CHD5: variants seen among roughly 807,000 people sequenced by gnomAD.
The protein encoded by CHD5 is chromodomain helicase DNA binding protein 5.
Under a neutral mutation model 230.3 loss-of-function variants are expected in CHD5, and 69 were observed. That is an observed-to-expected ratio of 0.30 (90% CI 0.25 to 0.37). CHD5 has a LOEUF of 0.37. Ranked by LOEUF, CHD5 falls within the 10% of genes least tolerant of loss-of-function variation. The probability of loss-of-function intolerance (pLI) is 1.00; values close to 1 mark genes in which losing one functional copy is unlikely to be tolerated. For synonymous variants in CHD5, 1,064 were observed against 1,065.9 expected (o/e 1.00, Z 0.03); for missense variants, 1,827 against 2,622.8 (o/e 0.70, Z 6.63).
At chr1:6,111,905 G>A in intron 35 of CHD5, 22 bp from the exon 36 acceptor site, 1 of 1,606,584 alleles carries the variant, frequency 6.2e-7, no homozygotes, top group South Asian at 1.1e-5. Context: ...GCCAAGGTGA[G>A]CAGGGTGAGA....
Position 6,131,584 on chromosome 1 carries a change from G to A in CHD5, c.3262+47C>T, listed in dbSNP as rs1029676478. 1.6e-5 allele frequency: 19 copies of A among 1,169,558 alleles called. No homozygotes were observed. Among genetic ancestry groups the A allele is most frequent in the African/African-American group, 9.1e-5 (6 of 66,272 alleles). The allele number at this position is 1,169,558 out of a possible 1,614,324, so 72.4% of individuals were successfully genotyped here. ...GCTAAGAACCAGGCCTGGGAGAAGA[G>A]GCCAAAAAGGAGTCTCAATCAGAAC... On this transcript the variant is annotated intron_variant, in intron 21 of 41. Transcript: ENST00000262450. The surrounding 1 kb of genome is among the most constrained non-coding windows in gnomAD (Gnocchi z 5.0).
At chr1:6,149,514 T>C (rs1557554204) in intron 7 of CHD5, 102 bp from the exon 8 acceptor site, 1 of 1,194,142 alleles carries the variant, frequency 8.4e-7, no homozygotes, top group Non-Finnish European at 1.1e-6. Flanking sequence ...AGATGTCTAA[T>C]AGAGGGTGGA....
At position 6,129,546 on chromosome 1, in the gene CHD5, G is replaced by A. The variant is rs1666619258; in HGVS notation, c.3388-477C>T. Among the ~76,000 whole-genome samples the A allele has an allele frequency of 6.6e-6, 1 of 152,192 alleles. No homozygotes were observed. Among genetic ancestry groups the A allele is most frequent in the South Asian group, 2.1e-4 (1 of 4,832 alleles). On this transcript the variant is annotated intron_variant, in intron 22 of 41. Transcript: ENST00000262450. This position sits in a 1 kb window ranked among gnomAD's most constrained non-coding sequence, Gnocchi z 6.8. Reference sequence around the variant, plus strand: ...AATACAAGGAAGTGCCTGAGACTCTGTGCAGCCCTACATGAGGTGACCTGG... The same window carrying A: ...AATACAAGGAAGTGCCTGAGACTCTATGCAGCCCTACATGAGGTGACCTGG...
rs369869880 is a variant in CHD5, at chr1:6,174,037, G to A, written c.80-5760C>T. Among the ~76,000 whole-genome samples the A allele has an allele frequency of 2.0e-5, 3 of 152,116 alleles. No homozygotes were observed. The East Asian group carries it at 5.8e-4, about 29-fold the overall frequency. On this transcript the variant is annotated intron_variant, in intron 1 of 41. Coordinates refer to ENST00000262450, the MANE Select transcript of CHD5 (RefSeq NM_015557.3). ...TTTACCCCAAGTGACTGGGGCCTGG[G>A]GGGAGTCACCCTGGGGGTGCAGGGA...
At chr1:6,108,967 G>A (rs1053199466) in intron 38 of CHD5, among the ~76,000 whole-genome samples, 1 of 151,910 alleles carries the variant, frequency 6.6e-6, no homozygotes, top group African/African-American at 2.4e-5. Flanking sequence ...CCGAGAGCTG[G>A]GGCTTATTTG....
rs552625177 is a variant in CHD5, at chr1:6,123,318, G to A, written c.4699+630C>T. 1.6e-4 allele frequency among the ~76,000 whole-genome samples: 24 copies of A among 152,300 alleles called. No individual in the cohort carries two copies. In the South Asian group the frequency reaches 5.0e-3, roughly 32 times the overall value. Reference sequence around the variant, plus strand: ...CAGGCCTGGGGTGGGGGGATAAGGAGTGGCTGCTAATGGGTACAGGGTTTC... The same window carrying A: ...CAGGCCTGGGGTGGGGGGATAAGGAATGGCTGCTAATGGGTACAGGGTTTC... On this transcript the variant is annotated intron_variant, in intron 31 of 41. Coordinates refer to ENST00000262450, the MANE Select transcript of CHD5 (RefSeq NM_015557.3).
At position 6,155,408 on chromosome 1, in the gene CHD5, A is replaced by G. The variant is rs1443250433; in HGVS notation, c.506+191T>C. 6.6e-6 allele frequency among the ~76,000 whole-genome samples: 1 copy of G among 152,104 alleles called. No homozygotes were observed. The highest frequency in any genetic ancestry group is 1.9e-4 in the East Asian group (1 of 5,172). ...CAAGGGCTGAGGGGCAGGGCCCACA[A>G]GGGAAGGCCTGGTGGTCTGTTAACA... On this transcript the variant is annotated intron_variant, in intron 4 of 41. Transcript: ENST00000262450. The surrounding 1 kb of genome is among the most constrained non-coding windows in gnomAD (Gnocchi z 4.0).
rs1666960491 is a variant in CHD5 at position 6,149,260 on chromosome 1, T to G, written c.1147A>C (p.Ser383Arg). 1 of 1,606,310 alleles carries G rather than the reference T, an allele frequency of 6.2e-7. No homozygotes were observed. The highest frequency in any genetic ancestry group is 8.5e-7 in the Non-Finnish European group (1 of 1,175,926). The change falls in exon 8 of 42, where the codon AGC becomes CGC. Residue 383 changes from serine to arginine, a missense_variant. Ser to Arg is a moderately radical substitution (Grantham distance 110). This residue lies in a region of CHD5 where 657 missense variants were observed against 816.4 expected (regional missense o/e 0.80). Coordinates refer to ENST00000262450, the MANE Select transcript of CHD5 (RefSeq NM_015557.3). ...ELEKAPEGKWSCPHCEKEGIQ... is the reference protein window; with the variant it reads ...ELEKAPEGKWRCPHCEKEGIQ... ...CCAAGGCTTACACAGTGGGGGCAGC[T>G]CCACTTGCCCTCGGGAGCCTTCTCC...
rs1219650887 is a variant in CHD5, at chr1:6,136,617, A to G, written c.2596T>C (p.Tyr866His). 6.2e-7 allele frequency: 1 copy of G among 1,614,112 alleles called. No homozygotes were observed. Among genetic ancestry groups the G allele is most frequent in the Non-Finnish European group, 8.5e-7 (1 of 1,180,024 alleles). Reference protein sequence around the residue: ...QSKFFRVLNSYKIDYKLLLTG... With the variant: ...QSKFFRVLNSHKIDYKLLLTG... The stretch of plus-strand genomic sequence containing the variant: ...AGCAGCAGCTTGTAATCAATCTTGT[A>G]GCTGTTTAAGACCCTAAAAAACTGA... Residue 866 changes from tyrosine to histidine, a missense_variant, in exon 17 of 42, where the codon TAC becomes CAC. Tyr to His is a moderately conservative substitution (Grantham distance 83, BLOSUM62 2). Coordinates refer to ENST00000262450, the MANE Select transcript of CHD5 (RefSeq NM_015557.3).
rs113741467 is a variant in CHD5 at position 6,140,155 on chromosome 1, C to T, written c.2436+1973G>A. 2.6e-5 allele frequency among the ~76,000 whole-genome samples: 4 copies of T among 152,038 alleles called. No individual in the cohort carries two copies. The South Asian group carries it at 8.3e-4, about 32-fold the overall frequency. ...CGGTGGCTCAAGCCTGTAATCCCAG[C>T]ACCTTAAGAGGCCGAGGTGGGCGGA... On this transcript the variant is annotated intron_variant, in intron 15 of 41. Coordinates refer to ENST00000262450, the MANE Select transcript of CHD5 (RefSeq NM_015557.3).
At chr1:6,160,315 C>T (rs1426133665) in intron 2 of CHD5, among the ~76,000 whole-genome samples, 1 of 97,462 alleles carries the variant, frequency 1.0e-5, no homozygotes, top group Non-Finnish European at 2.1e-5. Flanking sequence ...GGAAGGGCCC[C>T]AGCCAGGGAA....
chr1:6,154,690 T>C lies in CHD5; in HGVS notation c.715A>G (p.Ile239Val), dbSNP rs753681850. Residue 239 changes from isoleucine to valine, a missense_variant, in exon 5 of 42, where the codon ATC becomes GTC. Ile to Val is a conservative substitution (Grantham distance 29). Around this residue, in one of 14 missense-constraint regions of CHD5, gnomAD observed 657 missense variants for 816.4 expected, o/e 0.80. Coordinates refer to ENST00000262450, the MANE Select transcript of CHD5 (RefSeq NM_015557.3). This position sits in a 1 kb window ranked among gnomAD's most constrained non-coding sequence, Gnocchi z 7.0. Reference sequence around the variant, plus strand: ...CCCTCCTTGGTCTTGGCCTTGCGGATAGGCACAGGCTGGGGCACCTGCGGG... The same window carrying C: ...CCCTCCTTGGTCTTGGCCTTGCGGACAGGCACAGGCTGGGGCACCTGCGGG... Reference protein sequence around the residue: ...SPPQVPQPVPIRKAKTKEGKG... With the variant: ...SPPQVPQPVPVRKAKTKEGKG... 1 of 1,588,532 alleles carries C rather than the reference T, an allele frequency of 6.3e-7. No individual in the cohort carries two copies. The highest frequency in any genetic ancestry group is 1.7e-5 in the Admixed American group (1 of 57,474).
At chr1:6,160,594 G>A (rs191188192) in intron 2 of CHD5, among the ~76,000 whole-genome samples, 109 of 152,404 alleles carry the variant, frequency 7.2e-4, no homozygotes, top group African/African-American at 2.2e-3. Flanking sequence ...AACTGCGTTC[G>A]TCAGGTGAAA....
Position 6,134,848 on chromosome 1 carries a change from T to C in CHD5, c.2882A>G (p.Lys961Arg), listed in dbSNP as rs764957871. The change falls in exon 19 of 42, where the codon AAG becomes AGG. Residue 961 changes from lysine (K) to arginine (R), a missense_variant. Lys to Arg is a conservative substitution (Grantham distance 26). Transcript: ENST00000262450. This position sits in a 1 kb window ranked among gnomAD's most constrained non-coding sequence, Gnocchi z 6.3. Reference sequence around the variant, plus strand: ...CTCAAAGTTCCGTGTGAGGATGAACTTGTAGTACTTCCTGCAGCAGGGCAC... The same window carrying C: ...CTCAAAGTTCCGTGTGAGGATGAACCTGTAGTACTTCCTGCAGCAGGGCAC... The part of the protein sequence containing the change: ...ELSQMQKKYY[K>R]FILTRNFEAL... 2 of 1,614,064 alleles carry C rather than the reference T, an allele frequency of 1.2e-6. No homozygotes were observed. The highest frequency in any genetic ancestry group is 1.7e-6 in the Non-Finnish European group (2 of 1,179,986).
rs1557557485 is a variant in CHD5 at position 6,155,751 on chromosome 1, A to G, written c.388-34T>C. The G allele has an allele frequency of 6.4e-7, 1 of 1,560,972 alleles. No individual in the cohort carries two copies. Among genetic ancestry groups the G allele is most frequent in the Non-Finnish European group, 8.8e-7 (1 of 1,132,578 alleles). On this transcript the variant is annotated intron_variant, in intron 3 of 41. Coordinates refer to ENST00000262450, the MANE Select transcript of CHD5 (RefSeq NM_015557.3). The surrounding 1 kb of genome is among the most constrained non-coding windows in gnomAD (Gnocchi z 4.0). The stretch of plus-strand genomic sequence containing the variant: ...ACCCAGGCCAGAGGTAGAGTTGTTG[A>G]GGGGCCTTCTGACCTGCACCCCCAT...
intron 1 of CHD5, among the ~76,000 whole-genome samples, chr1:6,172,916 G>C (rs56304603): frequency 0.029 from 4,423 of 152,188 alleles, 115 homozygotes; most frequent in Non-Finnish European, 0.044. Flanking sequence ...ATCAAAACAA[G>C]GGGAAGGCGC....
chr1:6,111,358 A>AC (rs1431990731), intron 36 of CHD5, among the ~76,000 whole-genome samples: 2 of 151,352 alleles, frequency 1.3e-5, no homozygotes, highest in East Asian at 3.9e-4. Flanking sequence ...ACATGGTGAA[A>AC]CCCCGTCTCT....
At position 6,152,469 on chromosome 1, in the gene CHD5, C is replaced by T. The variant is rs556521538; in HGVS notation, c.813G>A (p.Thr271=). The change falls in exon 6 of 42, where the codon ACG becomes ACA. Residue 271 remains threonine, a synonymous_variant. Transcript: ENST00000262450. ...DGKKKGKGKK[T]AGLKFRFGGI... ...CCCCGAAGCGGAACTTGAGCCCGGC[C>T]GTCTTTTTCCCTTTGCCCTTTTTCT... The T allele has an allele frequency of 2.0e-4, 318 of 1,614,222 alleles. 5 individuals carry two copies. The South Asian group carries it at 3.2e-3, about 16-fold the overall frequency.
intron 9 of CHD5, among the ~76,000 whole-genome samples, chr1:6,147,951 T>A (rs1356763855): frequency 6.6e-6 from 1 of 151,328 alleles, no homozygotes; most frequent in African/African-American, 2.4e-5. Flanking sequence ...CCTACCCCCA[T>A]CCCAGCCCCT....
Sources: allele counts gnomAD v4.1 joint callset (sites outside exome capture counted in the v4.1 genomes callset), GRCh38; gene constraint gnomAD v4.1.1; regional missense constraint gnomAD v4.1.1; non-coding constraint Gnocchi (gnomAD v3.1); transcripts MANE v1.5; gene names NCBI Gene and HGNC (gene_info 2026-07-23, HGNC 2026-07-21).